FAT3: variants seen among roughly 807,000 people sequenced by gnomAD.
The protein encoded by FAT3 is FAT atypical cadherin 3, also known as protocadherin Fat 3.
FAT3 carries 95 observed loss-of-function variants against 310.2 expected under a neutral mutation model. That is an observed-to-expected ratio of 0.31 (90% CI 0.26 to 0.36). FAT3 has a LOEUF of 0.36. Among genes scored for constraint, FAT3 ranks in the 10% least tolerant of loss-of-function variants. The pLI is 1.00. For missense variants in FAT3, 5,408 were observed against 5,715.6 expected, an observed-to-expected ratio of 0.95 and a Z score of 1.74; for synonymous variants, 2,314 against 2,192.9, an observed-to-expected ratio of 1.06 and a Z score of -1.54.
At chr11:92,398,785 A>G (rs1254205248) in intron 2 of FAT3, among the ~76,000 whole-genome samples, 1 of 152,052 alleles carries the variant, frequency 6.6e-6, no homozygotes, top group Non-Finnish European at 1.5e-5. Context: ...CCATTCCATT[A>G]TTTTGTTTAG....
chr11:92,600,123 C>G (rs1939939864), intron 3 of FAT3, among the ~76,000 whole-genome samples: 1 of 152,174 alleles, frequency 6.6e-6, no homozygotes, highest in Non-Finnish European at 1.5e-5. Flanking sequence ...CTTTGTATAG[C>G]TGTCCTCTTT....
intron 4 of FAT3, among the ~76,000 whole-genome samples, chr11:92,705,791 G>GA (rs1944313170): frequency 7.4e-6 from 1 of 134,772 alleles, no homozygotes; most frequent in African/African-American, 2.8e-5. Context: ...TGGTGGTGGT[G>GA]TGATGGTGTT....
chr11:92,464,344 CT>C (rs1389365615), intron 2 of FAT3, among the ~76,000 whole-genome samples: 1 of 152,196 alleles, frequency 6.6e-6, no homozygotes, highest in Non-Finnish European at 1.5e-5. Context: ...AAGTTTCATC[CT>C]TGGATGCAGT....
At chr11:92,760,867 T>C (rs1946133938) in intron 4 of FAT3, among the ~76,000 whole-genome samples, 1 of 152,236 alleles carries the variant, frequency 6.6e-6, no homozygotes. Flanking sequence ...TCATTACTCT[T>C]TTCTATCTCA....
At chr11:92,274,666 T>G (rs986357003) in intron 1 of FAT3, among the ~76,000 whole-genome samples, 4 of 152,124 alleles carry the variant, frequency 2.6e-5, no homozygotes, top group African/African-American at 9.6e-5. Flanking sequence ...GTTAAAAGCT[T>G]TATATTTTTC....
chr11:92,436,184 C>T (rs1299701455), intron 2 of FAT3, among the ~76,000 whole-genome samples: 1 of 152,074 alleles, frequency 6.6e-6, no homozygotes, highest in Non-Finnish European at 1.5e-5. Flanking sequence ...AGTGGCTCTG[C>T]TGGATCTGCT....
chr11:92,522,642 A>C lies in FAT3; in HGVS notation c.3293-1992A>C, dbSNP rs559731039. On this transcript the variant is annotated intron_variant, in intron 2 of 27. Transcript: ENST00000525166. ...CAGACCACTAAAACTCTGGTTGGAC[A>C]GAGGATTTGTCTCACAAACATTACT... 1.9e-4 allele frequency among the ~76,000 whole-genome samples: 29 copies of C among 152,296 alleles called. No homozygotes were observed. In the South Asian group the frequency reaches 6.0e-3, roughly 32 times the overall value.
intron 13 of FAT3, among the ~76,000 whole-genome samples, chr11:92,818,068 G>T (rs1947868254): frequency 6.6e-6 from 1 of 152,162 alleles, no homozygotes; most frequent in Admixed American, 6.5e-5. Flanking sequence ...AATCAAAAAT[G>T]CTTGTCTATA....
chr11:92,343,058 A>G (rs184970096), intron 1 of FAT3, among the ~76,000 whole-genome samples: 13 of 152,288 alleles, frequency 8.5e-5, no homozygotes, highest in Non-Finnish European at 1.8e-4. Context: ...GTATGGAAAT[A>G]TTTCTAGTAC....
chr11:92,693,711 C>T (rs1159968618), intron 3 of FAT3, among the ~76,000 whole-genome samples: 1 of 152,130 alleles, frequency 6.6e-6, no homozygotes, highest in Non-Finnish European at 1.5e-5. Flanking sequence ...AGCTTTTACA[C>T]CTTAGTGGTT....
rs1178589709 is a variant in FAT3 at position 92,423,261 on chromosome 11, A to G, written c.3292+67857A>G. On this transcript the variant is annotated intron_variant, in intron 2 of 27. Coordinates refer to ENST00000525166, the MANE Select transcript of FAT3 (RefSeq NM_001367949.2). ...TGAGTTATGACCCTATACACGGATC[A>G]TGCCATGAAGTTAGTCGGTTGCAAA... Among the ~76,000 whole-genome samples, 5 of 152,186 alleles carry G rather than the reference A, an allele frequency of 3.3e-5. No individual in the cohort carries two copies. In the East Asian group the frequency reaches 9.6e-4, roughly 29 times the overall value.
intron 4 of FAT3, among the ~76,000 whole-genome samples, chr11:92,752,819 G>C (rs1371859620): frequency 6.6e-6 from 1 of 152,154 alleles, no homozygotes; most frequent in African/African-American, 2.4e-5. Flanking sequence ...GCACAGTTCT[G>C]AGTAAGTTTA....
intron 1 of FAT3, among the ~76,000 whole-genome samples, chr11:92,252,626 A>G (rs1056911039): frequency 1.3e-5 from 2 of 152,058 alleles, no homozygotes; most frequent in South Asian, 2.1e-4. Context: ...CTTTCCTTAC[A>G]TTTTCTTTTG....
chr11:92,308,086 T>C (rs1947186791), intron 1 of FAT3, among the ~76,000 whole-genome samples: 1 of 152,148 alleles, frequency 6.6e-6, no homozygotes, highest in Admixed American at 6.6e-5. Flanking sequence ...TAGTACAATA[T>C]AAGAAACATG....
At chr11:92,815,207 G>A (rs1947791615) in intron 13 of FAT3, among the ~76,000 whole-genome samples, 1 of 152,122 alleles carries the variant, frequency 6.6e-6, no homozygotes, top group Non-Finnish European at 1.5e-5. Flanking sequence ...CCAGGGACTA[G>A]GAAAGCTCCT....
Position 92,810,029 on chromosome 11 carries a change from C to A in FAT3, c.9434C>A (p.Ala3145Asp). The change falls in exon 13 of 28, where the codon GCC (alanine) becomes GAC (aspartate). Residue 3145 changes from alanine to aspartate, a missense_variant. Ala to Asp is a moderately radical substitution (Grantham distance 126). Coordinates refer to ENST00000525166, the MANE Select transcript of FAT3 (RefSeq NM_001367949.2). ...AACACCTGTGTCTATGAGAACACAG[C>A]CACCAAGGCTCTGTTGACCAGAGTT... ...HYNTCVYENTATKALLTRVQA... is the reference protein window; with the variant it reads ...HYNTCVYENTDTKALLTRVQA... The A allele has an allele frequency of 6.2e-7, 1 of 1,613,948 alleles. No homozygotes were observed. Among genetic ancestry groups the A allele is most frequent in the Non-Finnish European group, 8.5e-7 (1 of 1,179,850 alleles).
At chr11:92,293,076 G>A (rs868429123) in intron 1 of FAT3, among the ~76,000 whole-genome samples, 2 of 138,216 alleles carry the variant, frequency 1.4e-5, no homozygotes, top group South Asian at 2.2e-4. Flanking sequence ...AAGGAAGGAA[G>A]GAAAGAAGGA....
chr11:92,829,035 T>C (rs1948171236), intron 13 of FAT3, among the ~76,000 whole-genome samples: 1 of 152,238 alleles, frequency 6.6e-6, no homozygotes, highest in Non-Finnish European at 1.5e-5. Context: ...CACAGCACTG[T>C]GGCCTTCAGA....
intron 13 of FAT3, among the ~76,000 whole-genome samples, chr11:92,824,983 G>GT (rs1052387333): frequency 1.1e-4 from 16 of 151,906 alleles, no homozygotes; most frequent in Non-Finnish European, 1.9e-4. Flanking sequence ...GTAAGTACCA[G>GT]TTTTTTTTCA....
Sources: allele counts gnomAD v4.1 joint callset (sites outside exome capture counted in the v4.1 genomes callset), GRCh38; gene constraint gnomAD v4.1.1; transcripts MANE v1.5; gene names NCBI Gene and HGNC (gene_info 2026-07-23, HGNC 2026-07-21).